TMEM273: variants seen among roughly 807,000 people sequenced by gnomAD.
TMEM273 encodes chromosome 10 open reading frame 128.
In TMEM273, 19 loss-of-function variants were observed where a neutral mutation model predicts 17.9. The ratio of observed to expected loss-of-function variants is 1.06; its 90% CI spans 0.74 to 1.55. The LOEUF is 1.55. Ranked by LOEUF, TMEM273 falls within the 40% of genes most tolerant of loss-of-function variation. The probability of loss-of-function intolerance (pLI) is 0.00; values close to 1 mark genes in which losing one functional copy is unlikely to be tolerated. For synonymous variants in TMEM273, 66 were observed against 62.0 expected (o/e 1.07, Z -0.31); for missense variants, 194 against 155.6 (o/e 1.25, Z -1.31).
chr10:49,164,546 C>T (rs1424419912), intron 5 of TMEM273, among the ~76,000 whole-genome samples: 1 of 152,206 alleles, frequency 6.6e-6, no homozygotes, highest in African/African-American at 2.4e-5. Context: ...TTTCAGACTC[C>T]TTTGCTTAAC....
chr10:49,161,633 A>G lies in TMEM273; in HGVS notation c.349-11T>C, dbSNP rs1357362301. ...AAATTGTGGTTTCGCCTGCAAAACA[A>G]GATAAAAGGGTGTTCATTGCCTAAG... On this transcript the variant is annotated splice_polypyrimidine_tract_variant and intron_variant, in intron 5 of 6. Transcript: ENST00000374153. 1.9e-6 allele frequency: 3 copies of G among 1,614,238 alleles called. No individual in the cohort carries two copies. Among genetic ancestry groups the G allele is most frequent in the Non-Finnish European group, 2.5e-6 (3 of 1,180,034 alleles).
At chr10:49,170,627 G>A (rs539935099) in intron 1 of TMEM273, among the ~76,000 whole-genome samples, 46 of 152,168 alleles carry the variant, frequency 3.0e-4, no homozygotes, top group African/African-American at 8.9e-4. Context: ...GGAGACCAAC[G>A]TGGGCAGATA....
intron 6 of TMEM273, among the ~76,000 whole-genome samples, chr10:49,156,898 T>C (rs1398860115): frequency 3.3e-5 from 5 of 151,958 alleles, no homozygotes; most frequent in Non-Finnish European, 2.9e-5. Flanking sequence ...GAGGAAGTGG[T>C]GAGAAAAGTA....
chr10:49,179,143 A>G (rs1191284704), intron 1 of TMEM273, among the ~76,000 whole-genome samples: 1 of 152,216 alleles, frequency 6.6e-6, no homozygotes, highest in Non-Finnish European at 1.5e-5. Flanking sequence ...TATTTCATGG[A>G]ATCAAATTTA....
At chr10:49,165,105 C>A in intron 5 of TMEM273, 100 bp downstream of exon 5, 1 of 1,418,412 alleles carries the variant, frequency 7.1e-7, no homozygotes, top group South Asian at 1.5e-5. Context: ...ATAGACAAAT[C>A]AATATATCGT....
At chr10:49,158,315 C>G (rs376907174) in intron 6 of TMEM273, among the ~76,000 whole-genome samples, 13 of 146,424 alleles carry the variant, frequency 8.9e-5, no homozygotes, top group East Asian at 8.0e-4. Flanking sequence ...TTTTTTTTTT[C>G]TGTGTGTTGT....
Position 49,155,763 on chromosome 10 carries a change from C to A in TMEM273, c.*129G>T, listed in dbSNP as rs1845470266. 7.6e-7 allele frequency: 1 copy of A among 1,317,228 alleles called. No homozygotes were observed. Among genetic ancestry groups the A allele is most frequent in the Admixed American group, 1.9e-5 (1 of 53,516 alleles). 81.6% of individuals were successfully genotyped at this position (1,317,228 alleles called of 1,614,324 possible). On this transcript the variant is annotated 3_prime_UTR_variant, in exon 7 of 7. Transcript: ENST00000374153. ...TTCTATTCCTTCTATTATTTGCCTCCAATATTCAGTCCATGTGAAAGTTCA... is the reference window on the plus strand; with the variant it reads ...TTCTATTCCTTCTATTATTTGCCTCAAATATTCAGTCCATGTGAAAGTTCA...
chr10:49,175,814 C>T (rs1053137966), intron 1 of TMEM273, among the ~76,000 whole-genome samples: 17 of 152,176 alleles, frequency 1.1e-4, no homozygotes, highest in African/African-American at 3.6e-4. Flanking sequence ...TTGAGGAAGA[C>T]GGGGGTTCTG....
At chr10:49,163,378 C>T (rs375915552) in intron 5 of TMEM273, among the ~76,000 whole-genome samples, 1 of 151,914 alleles carries the variant, frequency 6.6e-6, no homozygotes, top group East Asian at 1.9e-4. Context: ...ATCCCCAATT[C>T]GACCACACAT....
intron 1 of TMEM273, among the ~76,000 whole-genome samples, chr10:49,176,580 T>C (rs1007539139): frequency 6.6e-6 from 1 of 152,218 alleles, no homozygotes; most frequent in African/African-American, 2.4e-5. Flanking sequence ...GGTGGGGTTA[T>C]TATTATTCAT....
chr10:49,167,758 C>T (rs529085275), intron 2 of TMEM273, 151 bp downstream of exon 2: 1 of 931,226 alleles, frequency 1.1e-6, no homozygotes, highest in Non-Finnish European at 1.6e-6. Context: ...AAGCTGTCAG[C>T]TGCTCTGGGG....
rs1448504374 is a variant in TMEM273, at chr10:49,155,080, T to C, written c.*812A>G. 6.6e-6 allele frequency: 1 copy of C among 152,248 alleles called. No individual in the cohort carries two copies. The highest frequency in any genetic ancestry group is 2.4e-5 in the African/African-American group (1 of 41,460). 9.4% of individuals were successfully genotyped at this position (152,248 alleles called of 1,614,324 possible). ...TTAGCCTGATGGCAATTGTAGAATG[T>C]CATGGCTTTCCTCAGCCTCCACCAG... is the stretch of plus-strand genomic sequence containing the variant. On this transcript the variant is annotated 3_prime_UTR_variant, in exon 7 of 7. Transcript: ENST00000374153.
intron 5 of TMEM273, among the ~76,000 whole-genome samples, chr10:49,163,210 G>A (rs543588438): frequency 1.3e-5 from 2 of 152,172 alleles, no homozygotes; most frequent in Non-Finnish European, 2.9e-5. Context: ...GGGGCACTGG[G>A]AGCAGTTCGG....
chr10:49,185,869 T>A lies in TMEM273; in HGVS notation c.43+2425A>T, dbSNP rs186085090. Among the ~76,000 whole-genome samples, 28 of 151,742 alleles carry A rather than the reference T, an allele frequency of 1.8e-4. No individual in the cohort carries two copies. The Middle Eastern group carries it at 0.01, about 56-fold the overall frequency. On this transcript the variant is annotated intron_variant, in intron 1 of 6. Transcript: ENST00000374153. ...GGCATGTGCCTGTAATCCCAGCTACTCGGGAGGCTGAGGCAGGTGAATTGC... is the reference window on the plus strand; with the variant it reads ...GGCATGTGCCTGTAATCCCAGCTACACGGGAGGCTGAGGCAGGTGAATTGC...
At chr10:49,169,508 A>G (rs1026993084) in intron 1 of TMEM273, among the ~76,000 whole-genome samples, 1 of 152,142 alleles carries the variant, frequency 6.6e-6, no homozygotes, top group African/African-American at 2.4e-5. Flanking sequence ...AAGATTCCCC[A>G]AGCTTTTTCT....
intron 6 of TMEM273, among the ~76,000 whole-genome samples, chr10:49,159,381 A>G (rs1845701405): frequency 6.6e-6 from 1 of 152,202 alleles, no homozygotes; most frequent in African/African-American, 2.4e-5. Context: ...GAAATATGCA[A>G]GTTTACTGAG....
chr10:49,170,511 C>T (rs1846493117), intron 1 of TMEM273, among the ~76,000 whole-genome samples: 1 of 152,208 alleles, frequency 6.6e-6, no homozygotes, highest in African/African-American at 2.4e-5. Context: ...TGAGGCTTCC[C>T]CTAATCCCTG....
intron 6 of TMEM273, among the ~76,000 whole-genome samples, chr10:49,157,599 C>T (rs933405985): frequency 1.3e-5 from 2 of 152,188 alleles, no homozygotes; most frequent in Admixed American, 6.5e-5. Context: ...TACATTTATG[C>T]CTGCTAATAC....
At chr10:49,166,451 GCC>G (rs1846190846) in intron 3 of TMEM273, 2 of 257,298 alleles carry the variant, frequency 7.8e-6, no homozygotes, top group Non-Finnish European at 1.5e-5. Flanking sequence ...CAACCTCGCT[GCC>G]TACTGGGACT....
Sources: allele counts gnomAD v4.1 joint callset (sites outside exome capture counted in the v4.1 genomes callset), GRCh38; gene constraint gnomAD v4.1.1; transcripts MANE v1.5; gene names NCBI Gene and HGNC (gene_info 2026-07-23, HGNC 2026-07-21).